Variants in EFNA5 observed in about 807,000 individuals in gnomAD.
EFNA5 encodes the protein ephrin-A5.
A neutral mutation model predicts 22.9 loss-of-function variants in EFNA5; 5 were observed. The ratio of observed to expected loss-of-function variants is 0.22; its 90% CI spans 0.11 to 0.46. EFNA5 has a LOEUF of 0.46. Ranked by LOEUF, EFNA5 falls within the 20% of genes least tolerant of loss-of-function variation. EFNA5 has a pLI of 0.99. For synonymous variants in EFNA5, 113 were observed against 112.2 expected (o/e 1.01, Z -0.04); for missense variants, 237 against 293.3 (o/e 0.81, Z 1.40).
At chr5:107,545,225 C>T (rs908893355) in intron 1 of EFNA5, among the ~76,000 whole-genome samples, 1 of 152,240 alleles carries the variant, frequency 6.6e-6, no homozygotes, top group Non-Finnish European at 1.5e-5. Flanking sequence ...TGGCCGAAGG[C>T]CTTAGTGTTG....
At chr5:107,589,100 A>T (rs1476370712) in intron 1 of EFNA5, among the ~76,000 whole-genome samples, 3 of 152,226 alleles carry the variant, frequency 2.0e-5, no homozygotes, top group Non-Finnish European at 2.9e-5. Flanking sequence ...TTGCCATTTC[A>T]AGTGGCTGCA....
intron 1 of EFNA5, among the ~76,000 whole-genome samples, chr5:107,476,057 T>TGTATACATATA: frequency 1.0e-5 from 1 of 100,436 alleles, no homozygotes; most frequent in African/African-American, 5.0e-5. Flanking sequence ...TATATATATA[T>TGTATACATATA]TTTTTTTTTT....
intron 1 of EFNA5, among the ~76,000 whole-genome samples, chr5:107,465,679 T>A (rs1422282476): frequency 6.6e-6 from 1 of 152,124 alleles, no homozygotes; most frequent in Non-Finnish European, 1.5e-5. Flanking sequence ...AATGTAGGGA[T>A]ACAATCATGG....
chr5:107,502,078 C>T (rs750854713), intron 1 of EFNA5, among the ~76,000 whole-genome samples: 11 of 152,136 alleles, frequency 7.2e-5, no homozygotes, highest in Admixed American at 1.3e-4. Flanking sequence ...CACCAACCTG[C>T]GGCTGTTAGC....
In EFNA5 at chr5:107,662,200, G is replaced by A. The variant is rs536624957; in HGVS notation, c.125+8289C>T. ...TTTTCTGCGCAAAAATGGTCAACTC[G>A]TACCTGAACTTTAACCGCGATACAT... On this transcript the variant is annotated intron_variant, in intron 1 of 4. Transcript: ENST00000333274. Among the ~76,000 whole-genome samples, 262 of 152,200 alleles carry A rather than the reference G, an allele frequency of 1.7e-3. 1 individual carries two copies. The highest frequency in any genetic ancestry group is 3.1e-3 in the Non-Finnish European group (208 of 67,998).
intron 2 of EFNA5, among the ~76,000 whole-genome samples, chr5:107,403,978 C>T (rs761236194): frequency 2.3e-4 from 35 of 152,280 alleles, no homozygotes; most frequent in Non-Finnish European, 4.0e-4. Flanking sequence ...TGAAAAATGT[C>T]TGAAGTTTCT....
chr5:107,494,864 G>C (rs1205507250), intron 1 of EFNA5, among the ~76,000 whole-genome samples: 1 of 151,906 alleles, frequency 6.6e-6, no homozygotes, highest in African/African-American at 2.4e-5. Flanking sequence ...TCTAGCTCAG[G>C]GTGCTAGACA....
intron 1 of EFNA5, among the ~76,000 whole-genome samples, chr5:107,495,348 G>A (rs971626700): frequency 2.6e-5 from 4 of 152,060 alleles, no homozygotes; most frequent in Non-Finnish European, 5.9e-5. Flanking sequence ...CTTCACTCCT[G>A]AGCTAGCGAG....
intron 4 of EFNA5, among the ~76,000 whole-genome samples, chr5:107,383,502 T>C (rs1747524842): frequency 6.6e-6 from 1 of 152,222 alleles, no homozygotes; most frequent in South Asian, 2.1e-4. Flanking sequence ...ATCAAAACAA[T>C]GGAGCACTTC....
intron 1 of EFNA5, among the ~76,000 whole-genome samples, chr5:107,536,652 A>C (rs937991425): frequency 2.5e-4 from 38 of 152,232 alleles, no homozygotes; most frequent in Non-Finnish European, 2.5e-4. Flanking sequence ...GTATTTATTT[A>C]AAATATATCA....
At chr5:107,431,971 A>G (rs72785845) in intron 1 of EFNA5, among the ~76,000 whole-genome samples, 1,732 of 152,334 alleles carry the variant, frequency 0.011, 15 homozygotes, top group Admixed American at 0.031. Context: ...ATGGTTCTGA[A>G]GCATATTCTT....
chr5:107,641,892 C>T (rs1443459345), intron 1 of EFNA5, among the ~76,000 whole-genome samples: 5 of 152,066 alleles, frequency 3.3e-5, no homozygotes, highest in African/African-American at 1.2e-4. Context: ...ACAGCTGTTT[C>T]CTATATTCCA....
chr5:107,501,073 A>G (rs10491393), intron 1 of EFNA5, among the ~76,000 whole-genome samples: 18,053 of 152,120 alleles, frequency 0.12, 1,301 homozygotes, highest in African/African-American at 0.21. Context: ...ATCAGGCTAG[A>G]TAAGGACATA....
intron 1 of EFNA5, among the ~76,000 whole-genome samples, chr5:107,670,029 TTAA>T (rs1397745542): frequency 4.7e-5 from 2 of 42,620 alleles, no homozygotes; most frequent in Non-Finnish European, 4.1e-5. Context: ...AAAATTAAAA[TTAA>T]AAAAAAAAAA....
At chr5:107,492,418 T>C (rs1746833480) in intron 1 of EFNA5, among the ~76,000 whole-genome samples, 1 of 152,186 alleles carries the variant, frequency 6.6e-6, no homozygotes, top group African/African-American at 2.4e-5. Context: ...TAAAAGTTAG[T>C]GAATTTAAAA....
intron 1 of EFNA5, among the ~76,000 whole-genome samples, chr5:107,650,359 A>G (rs1750704728): frequency 1.3e-5 from 2 of 152,126 alleles, no homozygotes; most frequent in African/African-American, 2.4e-5. Context: ...CTCACTGCCT[A>G]TCAGGAGACT....
rs1747380567 is a variant in EFNA5, at chr5:107,379,697, C to T, written c.*1558G>A. 1 of 152,086 alleles carries T rather than the reference C, an allele frequency of 6.6e-6. No homozygotes were observed. The highest frequency in any genetic ancestry group is 2.1e-4 in the South Asian group (1 of 4,826). The allele number at this position is 152,086 out of a possible 1,614,324, so 9.4% of individuals were successfully genotyped here. A position where few individuals can be genotyped will look rare whatever the true frequency, so the allele number is the denominator to read the frequency against. Reference sequence around the variant, plus strand: ...TCCTGGTAATCGACTGGAAACGTCCCCTGTTGGCCATGCTAAGATTCCTTC... The same window carrying T: ...TCCTGGTAATCGACTGGAAACGTCCTCTGTTGGCCATGCTAAGATTCCTTC... On this transcript the variant is annotated 3_prime_UTR_variant, in exon 5 of 5. Transcript: ENST00000333274.
At chr5:107,496,574 T>C (rs1036595091) in intron 1 of EFNA5, among the ~76,000 whole-genome samples, 1 of 152,210 alleles carries the variant, frequency 6.6e-6, no homozygotes, top group African/African-American at 2.4e-5. Context: ...TCCTCCTTCC[T>C]GCTCTCACTG....
intron 1 of EFNA5, among the ~76,000 whole-genome samples, chr5:107,525,422 C>CATTT (rs1747674803): frequency 6.6e-6 from 1 of 152,148 alleles, no homozygotes; most frequent in Non-Finnish European, 1.5e-5. Flanking sequence ...GAGCACCTTA[C>CATTT]ATTTGACCAA....
Sources: allele counts gnomAD v4.1 joint callset (sites outside exome capture counted in the v4.1 genomes callset), GRCh38; gene constraint gnomAD v4.1.1; transcripts MANE v1.5; gene names NCBI Gene and HGNC (gene_info 2026-07-23, HGNC 2026-07-21).